The following PALLD variants were observed in gnomAD, a reference collection of about 807,000 sequenced individuals.
PALLD encodes palladin.
In PALLD, 61 loss-of-function variants were observed where a neutral mutation model predicts 123.5. The ratio of observed to expected loss-of-function variants is 0.49; its 90% CI spans 0.40 to 0.61. The LOEUF (loss-of-function observed/expected upper bound fraction) is 0.61, where lower values mean the gene tolerates loss of function less well. PALLD is among the 20% of genes least tolerant of loss of function. PALLD has a pLI of 0.00. For synonymous variants in PALLD, 465 were observed against 496.4 expected, an observed-to-expected ratio of 0.94 and a Z score of 0.84; for missense variants, 1,273 against 1,377.0, an observed-to-expected ratio of 0.92 and a Z score of 1.20.
intron 10 of PALLD, among the ~76,000 whole-genome samples, chr4:168,826,055 C>A (rs761826578): frequency 6.6e-6 from 1 of 152,146 alleles, no homozygotes. Context: ...CCACTGATAA[C>A]GGTATTTCAC....
chr4:168,650,584 ACTT>A (rs1172471849), intron 2 of PALLD, among the ~76,000 whole-genome samples: 1 of 152,188 alleles, frequency 6.6e-6, no homozygotes, highest in Admixed American at 6.5e-5. Flanking sequence ...ATTAAGCACA[ACTT>A]CTTAGAAATG....
chr4:168,634,898 C>T (rs539416651), intron 2 of PALLD, among the ~76,000 whole-genome samples: 251 of 152,168 alleles, frequency 1.6e-3, no homozygotes, highest in African/African-American at 5.3e-3. Flanking sequence ...GAGCGAAGAG[C>T]TGTACTCCCT....
chr4:168,731,931 A>C (rs2150310718), intron 10 of PALLD, among the ~76,000 whole-genome samples: 1 of 152,366 alleles, frequency 6.6e-6, no homozygotes, highest in East Asian at 1.9e-4. Flanking sequence ...ATATGAAATC[A>C]TGCAGAAAAC....
chr4:168,512,506 C>T, intron 2 of PALLD, 94 bp downstream of exon 2: 2 of 1,150,592 alleles, frequency 1.7e-6, no homozygotes, highest in African/African-American at 1.5e-5. Flanking sequence ...GTCATTAGCC[C>T]TCTGGAGACT....
intron 2 of PALLD, among the ~76,000 whole-genome samples, chr4:168,641,798 A>G (rs1233757121): frequency 6.6e-6 from 1 of 152,154 alleles, no homozygotes. Flanking sequence ...CCAGCTGGGC[A>G]ACATTTACAA....
intron 2 of PALLD, among the ~76,000 whole-genome samples, chr4:168,611,022 C>G (rs1773675117): frequency 6.6e-6 from 1 of 152,176 alleles, no homozygotes; most frequent in Non-Finnish European, 1.5e-5. Context: ...CTGGCTGGAA[C>G]AGTTGACCAG....
chr4:168,626,818 C>T (rs1047803991), intron 2 of PALLD, among the ~76,000 whole-genome samples: 1 of 151,850 alleles, frequency 6.6e-6, no homozygotes, highest in Non-Finnish European at 1.5e-5. Context: ...TGGATGAGCC[C>T]TTGAGGATAT....
At chr4:168,536,298 T>G (rs1765079766) in intron 2 of PALLD, among the ~76,000 whole-genome samples, 1 of 152,162 alleles carries the variant, frequency 6.6e-6, no homozygotes, top group African/African-American at 2.4e-5. Flanking sequence ...CTTCTCAGTT[T>G]GCAACAAACC....
chr4:168,675,433 A>G (rs1780737720), intron 3 of PALLD, among the ~76,000 whole-genome samples: 3 of 152,372 alleles, frequency 2.0e-5, no homozygotes. Flanking sequence ...TGGTAATCAC[A>G]TAGGGTAAAG....
intron 2 of PALLD, among the ~76,000 whole-genome samples, chr4:168,533,796 C>T (rs539152782): frequency 6.6e-5 from 10 of 152,032 alleles, no homozygotes; most frequent in East Asian, 1.9e-4. Context: ...GCCAGTGCTG[C>T]GGGAGAAGGA....
intron 10 of PALLD, among the ~76,000 whole-genome samples, chr4:168,770,903 A>T (rs2150498234): frequency 6.6e-6 from 1 of 152,268 alleles, no homozygotes. Context: ...TACTAAAAAT[A>T]CAAGAACTTA....
chr4:168,702,175 A>T (rs1783738503), intron 8 of PALLD, among the ~76,000 whole-genome samples: 1 of 152,190 alleles, frequency 6.6e-6, no homozygotes, highest in Non-Finnish European at 1.5e-5. Context: ...AAAATGCAGA[A>T]CTAGAGAGGC....
intron 2 of PALLD, among the ~76,000 whole-genome samples, chr4:168,590,825 GA>G (rs1404660652): frequency 6.9e-6 from 1 of 144,520 alleles, no homozygotes; most frequent in Non-Finnish European, 1.5e-5. Context: ...AATAGGTGAA[GA>G]AGAGTATGCC....
At chr4:168,625,510 T>TATATATATAGATAGATAGATAG (rs1775169660) in intron 2 of PALLD, among the ~76,000 whole-genome samples, 1 of 65,098 alleles carries the variant, frequency 1.5e-5, no homozygotes, top group Non-Finnish European at 4.1e-5. Context: ...GAGATATATA[T>TATATATATAGATAGATAGATAG]ATATATATCC....
intron 2 of PALLD, among the ~76,000 whole-genome samples, chr4:168,617,064 G>A (rs1416327987): frequency 6.6e-6 from 1 of 152,136 alleles, no homozygotes. Flanking sequence ...CTTGCTGGCT[G>A]GAATCGGGGC....
chr4:168,590,882 T>C (rs1022531286), intron 2 of PALLD, among the ~76,000 whole-genome samples: 1 of 140,118 alleles, frequency 7.1e-6, no homozygotes, highest in Non-Finnish European at 1.5e-5. Flanking sequence ...TTTTTTTTTT[T>C]TTTTTTTTTT....
chr4:168,524,958 G>T (rs375201279), intron 2 of PALLD, among the ~76,000 whole-genome samples: 19 of 152,086 alleles, frequency 1.2e-4, no homozygotes, highest in African/African-American at 4.3e-4. Context: ...AAGCCATTTT[G>T]CTGGGTTTCT....
chr4:168,725,518 A>ATTTC (rs1786467882), intron 10 of PALLD, among the ~76,000 whole-genome samples: 7 of 124,478 alleles, frequency 5.6e-5, no homozygotes, highest in Non-Finnish European at 6.8e-5. Flanking sequence ...ATTCTCTTTA[A>ATTTC]TTTCTTTTTT....
intron 2 of PALLD, among the ~76,000 whole-genome samples, chr4:168,626,760 A>G (rs2149813993): frequency 6.6e-6 from 1 of 152,208 alleles, no homozygotes; most frequent in Non-Finnish European, 1.5e-5. Context: ...ATACAATGGA[A>G]TATTATTCAG....
Sources: allele counts gnomAD v4.1 joint callset (sites outside exome capture counted in the v4.1 genomes callset), GRCh38; gene constraint gnomAD v4.1.1; transcripts MANE v1.5; gene names NCBI Gene and HGNC (gene_info 2026-07-23, HGNC 2026-07-21).